PRR16: variants seen among roughly 807,000 people sequenced by gnomAD.
The protein encoded by PRR16 is protein Largen.
A neutral mutation model predicts 18.2 loss-of-function variants in PRR16; 6 were observed. That is an observed-to-expected ratio of 0.33 (90% CI 0.18 to 0.65). The LOEUF (loss-of-function observed/expected upper bound fraction) is 0.65, where lower values mean the gene tolerates loss of function less well. PRR16 is among the 30% of genes least tolerant of loss of function. The pLI, the probability that PRR16 is intolerant of heterozygous loss-of-function variation, is 0.74. For missense variants in PRR16, 412 were observed against 376.6 expected (o/e 1.09, Z -0.78); for synonymous variants, 151 against 147.8 (o/e 1.02, Z -0.16).
At chr5:120,780,509 T>C in the PRR16 span, among the ~76,000 whole-genome samples, 3 of 152,110 alleles carry the variant, frequency 2.0e-5, no homozygotes, top group Non-Finnish European at 4.4e-5. Context: ...CGGAAAAACA[T>C]TTTCGTTTTA....
chr5:120,666,128 T>C (rs1398694450), intron 1 of PRR16, among the ~76,000 whole-genome samples: 2 of 152,202 alleles, frequency 1.3e-5, no homozygotes, highest in Admixed American at 6.5e-5. Flanking sequence ...TCCTCTTTTA[T>C]ATCATTGAGC....
chr5:120,721,885 T>A, the PRR16 span, among the ~76,000 whole-genome samples: 630 of 152,138 alleles, frequency 4.1e-3, 5 homozygotes, highest in African/African-American at 0.014. Flanking sequence ...AGTATTCTTT[T>A]TTATTATTAT....
the PRR16 span, among the ~76,000 whole-genome samples, chr5:120,776,672 A>C: frequency 6.6e-6 from 1 of 152,068 alleles, no homozygotes; most frequent in African/African-American, 2.4e-5. Context: ...TTTATTTCAA[A>C]ACAGAGAGAT....
chr5:120,524,191 C>G (rs532206672), intron 1 of PRR16, among the ~76,000 whole-genome samples: 3 of 152,142 alleles, frequency 2.0e-5, no homozygotes, highest in African/African-American at 4.8e-5. Flanking sequence ...TGTGTCTAAA[C>G]TCTTAAAATC....
At chr5:120,722,318 G>A in the PRR16 span, among the ~76,000 whole-genome samples, 2 of 151,922 alleles carry the variant, frequency 1.3e-5, no homozygotes, top group Non-Finnish European at 2.9e-5. Flanking sequence ...TATATCTCAG[G>A]GTTAAGCATT....
intron 1 of PRR16, among the ~76,000 whole-genome samples, chr5:120,585,976 C>T (rs1045631539): frequency 6.6e-6 from 1 of 151,914 alleles, no homozygotes; most frequent in Non-Finnish European, 1.5e-5. Context: ...GTGATCGAGA[C>T]CATCCTGGCC....
At chr5:120,574,622 C>T (rs184240453) in intron 1 of PRR16, among the ~76,000 whole-genome samples, 9 of 137,030 alleles carry the variant, frequency 6.6e-5, no homozygotes, top group Admixed American at 2.7e-4. Context: ...ACAACAACGA[C>T]GAAAAAAGGA....
chr5:120,773,777 A>T, the PRR16 span, among the ~76,000 whole-genome samples: 2 of 152,142 alleles, frequency 1.3e-5, no homozygotes, highest in Non-Finnish European at 2.9e-5. Flanking sequence ...GGGAACAAAC[A>T]CAGATGTCTA....
At chr5:120,633,501 T>A (rs978700244) in intron 1 of PRR16, among the ~76,000 whole-genome samples, 4 of 152,104 alleles carry the variant, frequency 2.6e-5, no homozygotes, top group Non-Finnish European at 5.9e-5. Context: ...AGGACTCACA[T>A]AAACTTAAGG....
chr5:120,503,909 G>A (rs531289838), intron 1 of PRR16, among the ~76,000 whole-genome samples: 3 of 151,666 alleles, frequency 2.0e-5, no homozygotes, highest in Non-Finnish European at 2.9e-5. Flanking sequence ...TTGTCCTTGT[G>A]ATAGTTTACT....
At chr5:120,790,194 G>A in the PRR16 span, 1 of 152,080 alleles carries the variant, frequency 6.6e-6, no homozygotes, top group Non-Finnish European at 1.5e-5. Context: ...AAAAGCCACA[G>A]CCTTAAATCT....
intron 1 of PRR16, among the ~76,000 whole-genome samples, chr5:120,597,407 A>T (rs1450811566): frequency 6.6e-6 from 1 of 151,680 alleles, no homozygotes; most frequent in East Asian, 1.9e-4. Flanking sequence ...TATTTTAAGA[A>T]TTTTTTGTGT....
intron 1 of PRR16, among the ~76,000 whole-genome samples, chr5:120,487,141 G>T (rs1016736953): frequency 2.0e-5 from 3 of 152,084 alleles, no homozygotes; most frequent in Non-Finnish European, 4.4e-5. Context: ...CTCTTTTCTC[G>T]TTCCATATGA....
rs1379575510 is a variant in PRR16, at chr5:120,473,588, A to G, written c.159+8943A>G. On this transcript the variant is annotated intron_variant, in intron 1 of 1. Transcript: ENST00000407149. The stretch of plus-strand genomic sequence containing the variant: ...TTCCTATGCATAAAGCAAGCATTGT[A>G]TGTGTGTCTGTCATTAGTGTTATTA... Among the ~76,000 whole-genome samples, 5 of 152,298 alleles carry G rather than the reference A, an allele frequency of 3.3e-5. No individual in the cohort carries two copies. In the South Asian group the frequency reaches 6.2e-4, roughly 19 times the overall value.
chr5:120,739,897 A>C, the PRR16 span, among the ~76,000 whole-genome samples: 145 of 152,316 alleles, frequency 9.5e-4, no homozygotes, highest in Non-Finnish European at 1.6e-3. Context: ...TAAATTACTG[A>C]AATACTAAAA....
chr5:120,582,714 T>C (rs1336639646), intron 1 of PRR16, among the ~76,000 whole-genome samples: 1 of 151,504 alleles, frequency 6.6e-6, no homozygotes, highest in Non-Finnish European at 1.5e-5. Context: ...TAATATTTAA[T>C]GTGGGAGTGT....
At chr5:120,467,979 G>T (rs558762459) in intron 1 of PRR16, among the ~76,000 whole-genome samples, 1 of 152,156 alleles carries the variant, frequency 6.6e-6, no homozygotes, top group Non-Finnish European at 1.5e-5. Flanking sequence ...TGGTCTCAGT[G>T]AGCTCCAAAG....
At chr5:120,586,906 G>T (rs1753466129) in intron 1 of PRR16, among the ~76,000 whole-genome samples, 1 of 152,204 alleles carries the variant, frequency 6.6e-6, no homozygotes. Context: ...CAGGCCAAAA[G>T]CTAGGCCTCT....
the PRR16 span, among the ~76,000 whole-genome samples, chr5:120,741,085 G>T: frequency 1.3e-5 from 2 of 151,792 alleles, no homozygotes; most frequent in South Asian, 2.1e-4. Flanking sequence ...TTCTGTATCT[G>T]ATATTTTATG....
Sources: gnomAD v4.1 joint callset for allele counts (sites outside exome capture counted in the v4.1 genomes callset) on GRCh38, gnomAD v4.1.1 for gene constraint, MANE v1.5 for transcripts, NCBI Gene and HGNC (gene_info 2026-07-23, HGNC 2026-07-21) for gene names.